MMP26: variants seen among roughly 807,000 people sequenced by gnomAD.
MMP26 encodes the protein matrix metalloproteinase-26.
A neutral mutation model predicts 31.0 loss-of-function variants in MMP26; 33 were observed. That is an observed-to-expected ratio of 1.06 (90% CI 0.81 to 1.42). The LOEUF (loss-of-function observed/expected upper bound fraction) is 1.42. MMP26 is among the 40% of genes most tolerant of loss of function. The pLI is 0.00. For missense variants in MMP26, 347 were observed against 316.1 expected (o/e 1.10, Z -0.74); for synonymous variants, 122 against 114.9 (o/e 1.06, Z -0.40).
chr11:4,918,109 A>G (rs957828092), intron 2 of MMP26, among the ~76,000 whole-genome samples: 2 of 152,052 alleles, frequency 1.3e-5, no homozygotes, highest in African/African-American at 4.8e-5. Flanking sequence ...GCAAGTTAGT[A>G]TTATTGTCTC....
intron 2 of MMP26, among the ~76,000 whole-genome samples, chr11:4,841,680 C>G (rs1274235087): frequency 6.6e-6 from 1 of 152,200 alleles, no homozygotes; most frequent in Non-Finnish European, 1.5e-5. Context: ...CATCTGTAAT[C>G]CCAGCACTTT....
chr11:4,819,646 A>G (rs371708111), intron 2 of MMP26, among the ~76,000 whole-genome samples: 8 of 128,378 alleles, frequency 6.2e-5, no homozygotes, highest in African/African-American at 2.5e-4. Flanking sequence ...TGACACATTC[A>G]TGACTCACTG....
intron 2 of MMP26, among the ~76,000 whole-genome samples, chr11:4,921,358 T>C (rs1851181534): frequency 6.6e-6 from 1 of 152,294 alleles, no homozygotes; most frequent in South Asian, 2.1e-4. Flanking sequence ...GTAAGTGGAC[T>C]AGGTTGTAAA....
chr11:4,761,021 G>C (rs1188725422), intron 1 of MMP26, among the ~76,000 whole-genome samples: 2 of 152,126 alleles, frequency 1.3e-5, no homozygotes, highest in African/African-American at 4.8e-5. Context: ...CAGGCAACAG[G>C]ACCATAGAAG....
intron 2 of MMP26, chr11:4,946,609 A>G (rs754376081): frequency 3.2e-6 from 5 of 1,563,336 alleles, no homozygotes; most frequent in Middle Eastern, 1.7e-4. Context: ...AGTTTCTTAA[A>G]GTGAAAGGGA....
intron 2 of MMP26, among the ~76,000 whole-genome samples, chr11:4,785,561 T>A (rs977239563): frequency 6.6e-6 from 1 of 152,220 alleles, no homozygotes; most frequent in East Asian, 1.9e-4. Context: ...TAATTGACTT[T>A]ACTTACATGA....
chr11:4,958,522 A>ATATC (rs569538309), intron 2 of MMP26, among the ~76,000 whole-genome samples: 3 of 151,834 alleles, frequency 2.0e-5, no homozygotes, highest in African/African-American at 7.3e-5. Context: ...CTCTCTTTTC[A>ATATC]TATCTATCTA....
chr11:4,730,033 G>A (rs1358882790), intron 1 of MMP26, among the ~76,000 whole-genome samples: 3 of 149,308 alleles, frequency 2.0e-5, no homozygotes, highest in African/African-American at 4.8e-5. Context: ...TACATTTATC[G>A]TTTTCTTTAA....
intron 2 of MMP26, among the ~76,000 whole-genome samples, chr11:4,809,989 C>A (rs1849328237): frequency 6.6e-6 from 1 of 152,160 alleles, no homozygotes; most frequent in South Asian, 2.1e-4. Flanking sequence ...CAGATCAAGG[C>A]ATATTTAAAG....
intron 2 of MMP26, among the ~76,000 whole-genome samples, chr11:4,813,312 A>G (rs1039629573): frequency 4.6e-5 from 7 of 152,234 alleles, no homozygotes; most frequent in Non-Finnish European, 1.0e-4. Flanking sequence ...TACATTATTG[A>G]AAAATTGATA....
chr11:4,815,780 C>T (rs1849412584), intron 2 of MMP26, among the ~76,000 whole-genome samples: 1 of 152,132 alleles, frequency 6.6e-6, no homozygotes, highest in Non-Finnish European at 1.5e-5. Context: ...CGACATGCCT[C>T]AAGAAATGCA....
At chr11:4,708,094 A>G (rs529238085) in intron 1 of MMP26, among the ~76,000 whole-genome samples, 1 of 152,176 alleles carries the variant, frequency 6.6e-6, no homozygotes, top group Non-Finnish European at 1.5e-5. Flanking sequence ...CCCTATTATC[A>G]GGGCAGGAGT....
rs971020681 is a variant in MMP26, at chr11:4,991,358, C to A, written c.470-13C>A. 3.1e-6 allele frequency: 5 copies of A among 1,610,088 alleles called. No homozygotes were observed. The highest frequency in any genetic ancestry group is 1.7e-5 in the Admixed American group (1 of 59,818). The stretch of plus-strand genomic sequence containing the variant: ...TCCACCCTCATTGTGATCATAGCTT[C>A]TGTCGTCCACAGCCCATGAAGATGG... On this transcript the variant is annotated splice_polypyrimidine_tract_variant and intron_variant, in intron 5 of 7. Coordinates refer to ENST00000380390, the MANE Select transcript of MMP26 (RefSeq NM_021801.5).
chr11:4,917,881 T>C (rs936000518), intron 2 of MMP26, among the ~76,000 whole-genome samples: 2 of 152,082 alleles, frequency 1.3e-5, no homozygotes, highest in Non-Finnish European at 2.9e-5. Context: ...GCCTGACAAA[T>C]AGTAGATACT....
rs959001622 is a variant in MMP26 at position 4,772,094 on chromosome 11, T to C, written c.-145+4753T>C. ...GCTGTGAGATTATTTGTATGATTTA[T>C]GTCTCTCTGCAGCCAAAGACAGAGC... is the stretch of plus-strand genomic sequence containing the variant. On this transcript the variant is annotated intron_variant, in intron 2 of 7. Transcript: ENST00000380390. Among the ~76,000 whole-genome samples, 5 of 152,204 alleles carry C rather than the reference T, an allele frequency of 3.3e-5. No individual in the cohort carries two copies. The East Asian group carries it at 7.7e-4, about 23-fold the overall frequency.
intron 2 of MMP26, among the ~76,000 whole-genome samples, chr11:4,941,945 C>T (rs866392977): frequency 1.3e-5 from 2 of 150,926 alleles, no homozygotes; most frequent in Non-Finnish European, 3.0e-5. Context: ...ATTAGCCAGG[C>T]GTGGTGGCGC....
At position 4,989,626 on chromosome 11, in the gene MMP26, C is replaced by T. The variant is rs1451340990; in HGVS notation, c.100-22C>T. 6.3e-6 allele frequency: 10 copies of T among 1,591,416 alleles called. No homozygotes were observed. In the Admixed American group the frequency reaches 1.7e-4, roughly 27 times the overall value. ...GTCTTCCCTATTGACTCTTAGTACT[C>T]ATCCTTCTTGATCTGATTCAGGGCT... On this transcript the variant is annotated intron_variant, in intron 3 of 7. Coordinates refer to ENST00000380390, the MANE Select transcript of MMP26 (RefSeq NM_021801.5).
chr11:4,913,589 T>A (rs886568043), intron 2 of MMP26: 2 of 152,164 alleles, frequency 1.3e-5, no homozygotes, highest in Non-Finnish European at 2.9e-5. Context: ...ATACAACATA[T>A]AAAAGGGCAT....
At position 4,776,722 on chromosome 11, in the gene MMP26, C is replaced by A. The variant is rs1848795271; in HGVS notation, c.-145+9381C>A. On this transcript the variant is annotated intron_variant, in intron 2 of 7. Transcript: ENST00000380390. ...GTTGTTTGAAAGTGTGTGGCATTTC[C>A]CCCTTTGCTATCTTTCTCTCCTGCT... is the stretch of plus-strand genomic sequence containing the variant. Among the ~76,000 whole-genome samples the A allele has an allele frequency of 1.3e-5, 2 of 152,048 alleles. 1 individual carries two copies. Among genetic ancestry groups the A allele is most frequent in the South Asian group, 4.1e-4 (2 of 4,824 alleles).
Sources: allele counts gnomAD v4.1 joint callset (sites outside exome capture counted in the v4.1 genomes callset), GRCh38; gene constraint gnomAD v4.1.1; transcripts MANE v1.5; gene names NCBI Gene and HGNC (gene_info 2026-07-23, HGNC 2026-07-21).